RBM47: variants seen among roughly 807,000 people sequenced by gnomAD.
RBM47 encodes the protein RNA-binding protein 47.
RBM47 carries 21 observed loss-of-function variants against 47.1 expected under a neutral mutation model. The observed-to-expected ratio is 0.45, with a 90% CI of 0.32 to 0.64. The LOEUF is 0.64. Among genes scored for constraint, RBM47 ranks in the 30% least tolerant of loss-of-function variants. The pLI is 0.05. For missense variants in RBM47, 708 were observed against 870.9 expected (o/e 0.81, Z 2.35); for synonymous variants, 375 against 361.7 (o/e 1.04, Z -0.42).
intron 3 of RBM47, among the ~76,000 whole-genome samples, chr4:40,450,542 C>A (rs913030193): frequency 6.6e-6 from 1 of 151,968 alleles, no homozygotes; most frequent in Non-Finnish European, 1.5e-5. Context: ...GCGGAGGTTG[C>A]AGTGAGCCAA....
chr4:40,512,371 G>A (rs1198424448), intron 2 of RBM47, among the ~76,000 whole-genome samples: 2 of 137,290 alleles, frequency 1.5e-5, no homozygotes, highest in Non-Finnish European at 1.5e-5. Flanking sequence ...CCGAGATTGC[G>A]CCACTGCATT....
At chr4:40,597,039 T>A (rs1304176083) in intron 1 of RBM47, among the ~76,000 whole-genome samples, 1 of 152,152 alleles carries the variant, frequency 6.6e-6, no homozygotes, top group Non-Finnish European at 1.5e-5. Context: ...GGCAGGCAGA[T>A]CATGAGGTCA....
chr4:40,442,129 A>C (rs1338335582), intron 3 of RBM47, among the ~76,000 whole-genome samples: 9 of 152,110 alleles, frequency 5.9e-5, no homozygotes, highest in Non-Finnish European at 1.3e-4. Flanking sequence ...AGCTGTTTGT[A>C]TTATTTATCT....
At chr4:40,554,040 C>T (rs537193036) in intron 1 of RBM47, among the ~76,000 whole-genome samples, 2 of 152,196 alleles carry the variant, frequency 1.3e-5, no homozygotes, top group Admixed American at 6.6e-5. Flanking sequence ...TCAGGAGACG[C>T]GGGACCACTT....
intron 2 of RBM47, among the ~76,000 whole-genome samples, chr4:40,527,436 A>ATTTTTTTTTTTTTTTTTTT (rs60524903): frequency 9.6e-5 from 10 of 104,706 alleles, no homozygotes; most frequent in African/African-American, 2.3e-4. Flanking sequence ...ACACCTGGCA[A>ATTTTTTTTTTTTTTTTTTT]TTTTTTTTTT....
At chr4:40,473,441 T>C (rs1719197373) in intron 2 of RBM47, among the ~76,000 whole-genome samples, 1 of 152,204 alleles carries the variant, frequency 6.6e-6, no homozygotes, top group Non-Finnish European at 1.5e-5. Flanking sequence ...TCTATATGCA[T>C]TATATATTAC....
chr4:40,553,742 A>G (rs766321601), intron 1 of RBM47, among the ~76,000 whole-genome samples: 1 of 152,162 alleles, frequency 6.6e-6, no homozygotes, highest in Non-Finnish European at 1.5e-5. Context: ...AATATTTGAG[A>G]AATAAAATAT....
At chr4:40,440,459 T>G (rs568727584) in intron 3 of RBM47, among the ~76,000 whole-genome samples, 51 of 152,314 alleles carry the variant, frequency 3.3e-4, no homozygotes, top group African/African-American at 1.2e-3. Flanking sequence ...TTTTTAAAAT[T>G]TAGGACTAGG....
intron 2 of RBM47, among the ~76,000 whole-genome samples, chr4:40,473,222 C>G (rs1719163516): frequency 6.6e-6 from 1 of 152,184 alleles, no homozygotes; most frequent in Non-Finnish European, 1.5e-5. Flanking sequence ...GCTACAACCT[C>G]ATGAAGCAAG....
intron 2 of RBM47, among the ~76,000 whole-genome samples, chr4:40,482,644 T>C (rs1433749139): frequency 6.6e-6 from 1 of 152,242 alleles, no homozygotes; most frequent in African/African-American, 2.4e-5. Flanking sequence ...TTTGTTTACT[T>C]TGTGATTTAA....
chr4:40,514,407 T>C (rs1701059505), intron 2 of RBM47: 1 of 152,156 alleles, frequency 6.6e-6, no homozygotes, highest in African/African-American at 2.4e-5. Flanking sequence ...AGAAATCCCT[T>C]TTGCCCCCGT....
At chr4:40,611,883 A>ATT (rs949380530) in intron 1 of RBM47, among the ~76,000 whole-genome samples, 5 of 152,226 alleles carry the variant, frequency 3.3e-5, no homozygotes, top group Non-Finnish European at 7.3e-5. Flanking sequence ...GATATCATTG[A>ATT]TTATATATAT....
chr4:40,430,021 G>C (rs1577593215), intron 6 of RBM47, among the ~76,000 whole-genome samples: 1 of 151,780 alleles, frequency 6.6e-6, no homozygotes, highest in African/African-American at 2.4e-5. Context: ...GTGAAACCCC[G>C]TCTCCACTAA....
rs550049217 is a variant in RBM47 at position 40,569,496 on chromosome 4, G to A, written c.-239-24990C>T. ...GCGATCTCAGTTCACTGCAATCTCC[G>A]CCTCCCGGGTTCACACCATTCTCCT... On this transcript the variant is annotated intron_variant, in intron 1 of 6. Coordinates refer to ENST00000295971, the MANE Select transcript of RBM47 (RefSeq NM_001098634.2). 2.1e-4 allele frequency among the ~76,000 whole-genome samples: 31 copies of A among 149,592 alleles called. No individual in the cohort carries two copies. The South Asian group carries it at 3.6e-3, about 17-fold the overall frequency.
rs1373402204 is a variant in RBM47 at position 40,425,909 on chromosome 4, A to T, written c.1777T>A (p.Tyr593Asn). 6.8e-6 allele frequency: 11 copies of T among 1,614,134 alleles called. No homozygotes were observed. Among genetic ancestry groups the T allele is most frequent in the Non-Finnish European group, 9.3e-6 (11 of 1,179,998 alleles). The change falls in exon 7 of 7, where the codon TAC (tyrosine) becomes AAC (asparagine). Residue 593 changes from tyrosine (Y) to asparagine (N), a missense_variant. Tyr to Asn is a moderately radical substitution (Grantham distance 143, BLOSUM62 -2). Transcript: ENST00000295971. ...CTTCGTGCTGGTCACCAGCCTCAGT[A>T]TGTCTGGTAGACGTCGGGGATGGGG... ...QVPIPDVYQT[Y>N]
intron 1 of RBM47, among the ~76,000 whole-genome samples, chr4:40,618,267 G>GA (rs1736925148): frequency 6.6e-6 from 1 of 151,378 alleles, no homozygotes; most frequent in Admixed American, 6.6e-5. Context: ...TAAAAGAAAA[G>GA]AAAAAATGCT....
Position 40,495,581 on chromosome 4 carries a change from G to A in RBM47, c.-154-28882C>T, listed in dbSNP as rs151212455. Among the ~76,000 whole-genome samples the A allele has an allele frequency of 4.4e-3, 668 of 151,890 alleles. 2 individuals are homozygous for A. The highest frequency in any genetic ancestry group is 0.031 in the Middle Eastern group (9 of 294). On this transcript the variant is annotated intron_variant, in intron 2 of 6. Transcript: ENST00000295971. ...CACACCACTGCACTCCAGCCTGGGTGACAAGAGTGAAATTTCATCTCAAAA... is the reference window on the plus strand; with the variant it reads ...CACACCACTGCACTCCAGCCTGGGTAACAAGAGTGAAATTTCATCTCAAAA...
chr4:40,605,795 C>G (rs1380439175), intron 1 of RBM47, among the ~76,000 whole-genome samples: 1 of 151,816 alleles, frequency 6.6e-6, no homozygotes, highest in Non-Finnish European at 1.5e-5. Flanking sequence ...CGCACCACTG[C>G]ACTCCAGCCT....
chr4:40,516,067 T>A (rs568378655), intron 2 of RBM47: 1 of 152,166 alleles, frequency 6.6e-6, no homozygotes, highest in Non-Finnish European at 1.5e-5. Context: ...GCCCTGCCTG[T>A]CAGCTCCTTT....
Sources: gnomAD v4.1 joint callset for allele counts (sites outside exome capture counted in the v4.1 genomes callset) on GRCh38, gnomAD v4.1.1 for gene constraint, MANE v1.5 for transcripts, NCBI Gene and HGNC (gene_info 2026-07-23, HGNC 2026-07-21) for gene names.